Variants in WDR44 observed in about 807,000 individuals in gnomAD.
WDR44 encodes the protein WD repeat domain 44.
Under a neutral mutation model 65.7 loss-of-function variants are expected in WDR44, and 9 were observed. The observed-to-expected ratio is 0.14, with a 90% CI of 0.08 to 0.24. The LOEUF (loss-of-function observed/expected upper bound fraction) is 0.24, where lower values mean the gene tolerates loss of function less well. WDR44 is among the 10% of genes least tolerant of loss of function. The pLI, the probability that WDR44 is intolerant of heterozygous loss-of-function variation, is 1.00. For synonymous variants in WDR44, 220 were observed against 235.2 expected, an observed-to-expected ratio of 0.94 and a Z score of 0.59; for missense variants, 425 against 670.9, an observed-to-expected ratio of 0.63 and a Z score of 4.05.
In WDR44 at chrX:118,409,392, A is replaced by T. The variant is rs756323240; in HGVS notation, c.1534-97A>T. The T allele has an allele frequency of 1.4e-5, 13 of 949,793 alleles. No homozygotes were observed. In the Admixed American group the frequency reaches 4.1e-4, roughly 30 times the overall value. The allele number at this position is 949,793 out of a possible 1,213,427, so 78.3% of individuals were successfully genotyped here. On this transcript the variant is annotated intron_variant, in intron 10 of 19. Coordinates refer to ENST00000254029, the MANE Select transcript of WDR44 (RefSeq NM_019045.5). Reference sequence around the variant, plus strand: ...TGATCCACCTGCCTCAGCCTCCCAAAGTGCTGAGATTACAGACGTGAGCCA... The same window carrying T: ...TGATCCACCTGCCTCAGCCTCCCAATGTGCTGAGATTACAGACGTGAGCCA...
intron 10 of WDR44, among the ~76,000 whole-genome samples, chrX:118,407,770 T>C (rs2056980586): frequency 8.9e-6 from 1 of 112,246 alleles, no homozygotes; most frequent in Non-Finnish European, 1.9e-5. Flanking sequence ...AATGTACCAA[T>C]GTAGATGCAA....
intron 3 of WDR44, among the ~76,000 whole-genome samples, chrX:118,391,078 C>G (rs1411721972): frequency 1.1e-4 from 12 of 112,229 alleles, no homozygotes. Flanking sequence ...GGCCTTCTTT[C>G]CTTTCTTTTC....
At chrX:118,370,402 G>A (rs1002782821) in intron 1 of WDR44, among the ~76,000 whole-genome samples, 3 of 109,987 alleles carry the variant, frequency 2.7e-5, no homozygotes, top group Non-Finnish European at 5.7e-5. Flanking sequence ...TTCTTGGCCT[G>A]AGTTCACGCA....
intron 12 of WDR44, among the ~76,000 whole-genome samples, chrX:118,424,337 ATATATATATATG>A (rs1174842318): frequency 5.6e-5 from 5 of 89,288 alleles, no homozygotes; most frequent in South Asian, 5.2e-4. Flanking sequence ...ATATATATAT[ATATATATATATG>A]TATATATATA....
intron 1 of WDR44, among the ~76,000 whole-genome samples, chrX:118,371,172 CATT>C (rs1472841242): frequency 9.0e-6 from 1 of 111,626 alleles, no homozygotes; most frequent in Non-Finnish European, 1.9e-5. Flanking sequence ...ACCTAGAAGA[CATT>C]ATGTTAAGTG....
intron 12 of WDR44, among the ~76,000 whole-genome samples, chrX:118,432,183 A>G (rs900664006): frequency 9.0e-6 from 1 of 111,526 alleles, no homozygotes; most frequent in African/African-American, 3.3e-5. Flanking sequence ...GCATCGTCCT[A>G]CTATCTCCCT....
intron 2 of WDR44, among the ~76,000 whole-genome samples, chrX:118,380,111 T>C (rs2056701318): frequency 8.9e-6 from 1 of 112,166 alleles, no homozygotes; most frequent in Admixed American, 9.5e-5. Context: ...TGGATATTGT[T>C]CATTTTTTTA....
chrX:118,440,299 T>C (rs5956995), intron 14 of WDR44, among the ~76,000 whole-genome samples: 47,085 of 108,890 alleles, frequency 0.43, 10,799 homozygotes, highest in African/African-American at 0.86. Flanking sequence ...GCATCCCTGG[T>C]CTCTACACAC....
At chrX:118,393,334 G>A (rs1343199822) in intron 4 of WDR44, 63 bp downstream of exon 4, 2 of 1,116,756 alleles carry the variant, frequency 1.8e-6, no homozygotes, top group Non-Finnish European at 2.4e-6. Flanking sequence ...TGTAATCCCA[G>A]CACTTTGGGA....
chrX:118,378,720 G>GTGTGTGTGTGTGTA (rs966493406), intron 2 of WDR44, among the ~76,000 whole-genome samples: 11 of 107,675 alleles, frequency 1.0e-4, no homozygotes, highest in African/African-American at 3.4e-4. Context: ...GTGTGTGTGT[G>GTGTGTGTGTGTGTA]TGTGTGTGTG....
At chrX:118,394,262 G>A in intron 5 of WDR44, 77 bp downstream of exon 5, 2 of 1,161,911 alleles carry the variant, frequency 1.7e-6, no homozygotes, top group Non-Finnish European at 2.3e-6. Context: ...TGATTATTCT[G>A]TATTCTCCAG....
rs376879694 is a variant in WDR44, at chrX:118,389,589, C to T, written c.186+2175C>T. Among the ~76,000 whole-genome samples, 9 of 108,727 alleles carry T rather than the reference C, an allele frequency of 8.3e-5. No homozygotes were observed. In the South Asian group the frequency reaches 3.7e-3, roughly 45 times the overall value. 94.4% of individuals were successfully genotyped at this position (108,727 alleles called of 115,157 possible). A position where few individuals can be genotyped will look rare whatever the true frequency, so the allele number is the denominator to read the frequency against. ...TACAAAAATTAGCTGGGCGTGGTGGCGTGTCCCTGTAGTCCCAGCTACTTG... is the reference window on the plus strand; with the variant it reads ...TACAAAAATTAGCTGGGCGTGGTGGTGTGTCCCTGTAGTCCCAGCTACTTG... On this transcript the variant is annotated intron_variant, in intron 3 of 19. Coordinates refer to ENST00000254029, the MANE Select transcript of WDR44 (RefSeq NM_019045.5).
intron 19 of WDR44, among the ~76,000 whole-genome samples, chrX:118,447,973 C>G (rs1314231717): frequency 9.8e-6 from 1 of 101,617 alleles, no homozygotes; most frequent in African/African-American, 3.6e-5. Flanking sequence ...TTATTGTTAT[C>G]ATTTTCATTA....
In WDR44 at chrX:118,393,235, T is replaced by C; in HGVS notation, c.790T>C (p.Leu264=). 1 of 1,199,209 alleles carries C rather than the reference T, an allele frequency of 8.3e-7. No individual in the cohort carries two copies. The highest frequency in any genetic ancestry group is 1.1e-6 in the Non-Finnish European group (1 of 892,226). The change falls in exon 4 of 20, where the codon TTG becomes CTG. Residue 264 remains leucine (L), a synonymous_variant. Transcript: ENST00000254029. ...ACCACCAAGAAAAAGGAAAAGCGAA[T>C]TGGAATTTGAGACTCTGAAAACTCC... is the stretch of plus-strand genomic sequence containing the variant. The part of the protein sequence containing the change: ...APPPRKRKSE[L]EFETLKTPDI...
chrX:118,393,837 G>T (rs981451419), intron 4 of WDR44, among the ~76,000 whole-genome samples: 1 of 111,349 alleles, frequency 9.0e-6, no homozygotes, highest in African/African-American at 3.3e-5. Context: ...GAGTGGCATG[G>T]TGAAAAAAAC....
At chrX:118,347,637 C>A (rs763606592) in intron 1 of WDR44, among the ~76,000 whole-genome samples, 1 of 112,400 alleles carries the variant, frequency 8.9e-6, no homozygotes, top group Admixed American at 9.4e-5. Context: ...ACACTTACTC[C>A]GTGGGAGTAA....
chrX:118,440,375 A>G (rs1297231931), intron 14 of WDR44, among the ~76,000 whole-genome samples: 1 of 110,626 alleles, frequency 9.0e-6, no homozygotes, highest in Non-Finnish European at 1.9e-5. Context: ...AGATAATGCT[A>G]GATGTCCCCT....
At chrX:118,347,197 C>A (rs1245551092) in intron 1 of WDR44, among the ~76,000 whole-genome samples, 2 of 111,756 alleles carry the variant, frequency 1.8e-5, no homozygotes, top group African/African-American at 6.5e-5. Flanking sequence ...TAAAGGAAAT[C>A]GAATACACGG....
chrX:118,394,023 T>G, intron 4 of WDR44, 32 bp from the exon 5 acceptor site: 3 of 1,163,139 alleles, frequency 2.6e-6, no homozygotes, highest in South Asian at 1.8e-5. Flanking sequence ...CAAAAAGGGT[T>G]GTTATTATTG....
Sources: gnomAD v4.1 joint callset for allele counts (sites outside exome capture counted in the v4.1 genomes callset) on GRCh38, gnomAD v4.1.1 for gene constraint, MANE v1.5 for transcripts, NCBI Gene and HGNC (gene_info 2026-07-23, HGNC 2026-07-21) for gene names.